The following DCLK1 variants were observed in gnomAD, a reference collection of about 807,000 sequenced individuals.
DCLK1 encodes doublecortin like kinase 1.
Under a neutral mutation model 86.2 loss-of-function variants are expected in DCLK1, and 16 were observed. That is an observed-to-expected ratio of 0.19 (90% CI 0.13 to 0.28). The LOEUF (loss-of-function observed/expected upper bound fraction) is 0.28. DCLK1 is among the 10% of genes least tolerant of loss of function. DCLK1 has a pLI of 1.00. For synonymous variants in DCLK1, 369 were observed against 370.5 expected (o/e 1.00, Z 0.05); for missense variants, 590 against 940.2 (o/e 0.63, Z 4.87).
intron 3 of DCLK1, among the ~76,000 whole-genome samples, chr13:36,107,880 T>G (rs2138180859): frequency 6.6e-6 from 1 of 152,258 alleles, no homozygotes; most frequent in South Asian, 2.1e-4. Flanking sequence ...GAGTAACTGC[T>G]TGGCAGGTTA....
chr13:35,881,900 C>T (rs1872925994), intron 4 of DCLK1, among the ~76,000 whole-genome samples: 1 of 152,174 alleles, frequency 6.6e-6, no homozygotes. Flanking sequence ...GTGAACATCT[C>T]CAATCTCATG....
intron 3 of DCLK1, among the ~76,000 whole-genome samples, chr13:36,005,676 A>G (rs1880916600): frequency 6.6e-6 from 1 of 152,222 alleles, no homozygotes; most frequent in Non-Finnish European, 1.5e-5. Context: ...ATGGGCTAGC[A>G]GCATGGCGGC....
intron 4 of DCLK1, among the ~76,000 whole-genome samples, chr13:35,939,040 T>C (rs1206243551): frequency 6.6e-6 from 1 of 152,224 alleles, no homozygotes; most frequent in African/African-American, 2.4e-5. Flanking sequence ...TATGTATCCA[T>C]AGTTTGGCTG....
At chr13:35,781,063 G>C (rs943113658) in intron 16 of DCLK1, among the ~76,000 whole-genome samples, 3 of 152,162 alleles carry the variant, frequency 2.0e-5, no homozygotes, top group Non-Finnish European at 4.4e-5. Flanking sequence ...TCAGTATAAA[G>C]ACATATGAAC....
chr13:35,840,474 C>T (rs745615082), intron 6 of DCLK1, among the ~76,000 whole-genome samples: 54 of 152,306 alleles, frequency 3.5e-4, no homozygotes, highest in Middle Eastern at 3.4e-3. Flanking sequence ...TCACAGTTGA[C>T]ACCATTGGGA....
intron 4 of DCLK1, among the ~76,000 whole-genome samples, chr13:35,928,752 T>C (rs1876264074): frequency 6.6e-6 from 1 of 152,200 alleles, no homozygotes; most frequent in South Asian, 2.1e-4. Flanking sequence ...AATCTATACC[T>C]CTATGCATGT....
intron 3 of DCLK1, among the ~76,000 whole-genome samples, chr13:36,003,974 TTACTG>T (rs1176573378): frequency 2.0e-5 from 3 of 152,308 alleles, no homozygotes; most frequent in South Asian, 2.1e-4. Context: ...TATGTTAACT[TTACTG>T]TAGAGTGTTT....
intron 5 of DCLK1, among the ~76,000 whole-genome samples, chr13:35,857,589 C>T (rs567094626): frequency 4.4e-4 from 67 of 152,316 alleles, no homozygotes; most frequent in South Asian, 1.7e-3. Context: ...GACTCTCTGC[C>T]GCATCTCCTT....
At chr13:35,861,894 G>A (rs1435342011) in intron 5 of DCLK1, among the ~76,000 whole-genome samples, 6 of 151,776 alleles carry the variant, frequency 4.0e-5, no homozygotes, top group East Asian at 2.0e-4. Flanking sequence ...TTAGCCAGGC[G>A]TGGTGGCGGG....
chr13:35,906,712 G>C (rs2153123629), intron 4 of DCLK1, among the ~76,000 whole-genome samples: 1 of 152,286 alleles, frequency 6.6e-6, no homozygotes, highest in South Asian at 2.1e-4. Context: ...AACTGGCTCA[G>C]GGGAAATCAC....
At chr13:35,992,147 C>T (rs1880261211) in intron 3 of DCLK1, among the ~76,000 whole-genome samples, 1 of 152,132 alleles carries the variant, frequency 6.6e-6, no homozygotes, top group African/African-American at 2.4e-5. Flanking sequence ...ACACTCATGC[C>T]TTCTAGTTCG....
chr13:35,846,962 T>C (rs1870222762), intron 6 of DCLK1: 2 of 985,102 alleles, frequency 2.0e-6, no homozygotes, highest in East Asian at 1.1e-4. Flanking sequence ...ATATCAAATA[T>C]ACTCTGGATT....
intron 12 of DCLK1, among the ~76,000 whole-genome samples, chr13:35,810,320 C>T (rs570097827): frequency 2.0e-4 from 30 of 152,320 alleles, no homozygotes; most frequent in African/African-American, 6.7e-4. Context: ...TCCCCACATT[C>T]ATCTGATTCT....
intron 3 of DCLK1, among the ~76,000 whole-genome samples, chr13:36,092,509 CAG>C (rs1884865455): frequency 1.1e-5 from 1 of 94,264 alleles, no homozygotes; most frequent in Non-Finnish European, 1.9e-5. Context: ...TTTTTTGAGA[CAG>C]AGTCTCACTC....
intron 3 of DCLK1, among the ~76,000 whole-genome samples, chr13:36,055,531 G>A (rs1040690416): frequency 2.6e-5 from 4 of 152,054 alleles, no homozygotes; most frequent in Non-Finnish European, 4.4e-5. Flanking sequence ...AAGAATAAGG[G>A]GAAACCTCCC....
intron 15 of DCLK1, among the ~76,000 whole-genome samples, chr13:35,803,736 T>A (rs1000905272): frequency 2.6e-5 from 4 of 152,166 alleles, no homozygotes; most frequent in African/African-American, 9.7e-5. Flanking sequence ...ACAAAACAAA[T>A]CACTCGACTA....
intron 3 of DCLK1, among the ~76,000 whole-genome samples, chr13:35,990,796 G>C (rs1235219984): frequency 6.6e-6 from 1 of 151,810 alleles, no homozygotes; most frequent in African/African-American, 2.4e-5. Flanking sequence ...CCAACGTGGG[G>C]ATTTTTTTTT....
Position 35,847,071 on chromosome 13 carries a change from C to G in DCLK1, c.1035+7428G>C, listed in dbSNP as rs917554204. ...GTGATTGGCAACCACTACAAGCCATCCATACACACACAATAGAAAAAAATC... is the reference window on the plus strand; with the variant it reads ...GTGATTGGCAACCACTACAAGCCATGCATACACACACAATAGAAAAAAATC... On this transcript the variant is annotated intron_variant, in intron 6 of 16. Coordinates refer to ENST00000360631, the MANE Select transcript of DCLK1 (RefSeq NM_001330071.2). 4 of 984,490 alleles carry G rather than the reference C, an allele frequency of 4.1e-6. No individual in the cohort carries two copies. The African/African-American group carries it at 7.0e-5, about 17-fold the overall frequency. 61.0% of individuals were successfully genotyped at this position (984,490 alleles called of 1,614,324 possible).
At chr13:36,080,370 T>G (rs1884378996) in intron 3 of DCLK1, among the ~76,000 whole-genome samples, 1 of 152,104 alleles carries the variant, frequency 6.6e-6, no homozygotes, top group Non-Finnish European at 1.5e-5. Flanking sequence ...ACCTGTGAAA[T>G]CAAAACATCA....
Sources: allele counts gnomAD v4.1 joint callset (sites outside exome capture counted in the v4.1 genomes callset), GRCh38; gene constraint gnomAD v4.1.1; transcripts MANE v1.5; gene names NCBI Gene and HGNC (gene_info 2026-07-23, HGNC 2026-07-21).